The following ASIC2 variants were observed in gnomAD, a reference collection of about 807,000 sequenced individuals.
The protein encoded by ASIC2 is acid-sensing ion channel 2.
Under a neutral mutation model 57.3 loss-of-function variants are expected in ASIC2, and 25 were observed. The observed-to-expected ratio is 0.44, with a 90% CI of 0.32 to 0.61. The LOEUF is 0.61. Among genes scored for constraint, ASIC2 ranks in the 20% least tolerant of loss-of-function variants. The pLI is 0.06. For synonymous variants in ASIC2, 319 were observed against 307.5 expected (o/e 1.04, Z -0.39); for missense variants, 641 against 738.1 (o/e 0.87, Z 1.52).
At chr17:33,562,539 C>T (rs895351675) in intron 1 of ASIC2, among the ~76,000 whole-genome samples, 1 of 152,140 alleles carries the variant, frequency 6.6e-6, no homozygotes, top group Non-Finnish European at 1.5e-5. Flanking sequence ...GACATGCTAC[C>T]TGTCCTGGAG....
intron 1 of ASIC2, among the ~76,000 whole-genome samples, chr17:33,686,867 T>C (rs967233904): frequency 6.6e-6 from 1 of 151,658 alleles, no homozygotes; most frequent in African/African-American, 2.4e-5. Context: ...GGGGTGAAAA[T>C]GGGGACAGGA....
At chr17:33,502,012 C>T (rs750548277) in intron 1 of ASIC2, among the ~76,000 whole-genome samples, 13 of 152,022 alleles carry the variant, frequency 8.6e-5, no homozygotes, top group Non-Finnish European at 1.2e-4. Flanking sequence ...TGTTTGCAGA[C>T]GCATAAGAGT....
chr17:33,642,645 C>T (rs758912190), intron 1 of ASIC2, among the ~76,000 whole-genome samples: 6 of 152,206 alleles, frequency 3.9e-5, no homozygotes, highest in Non-Finnish European at 8.8e-5. Flanking sequence ...ATATCCCTTG[C>T]AAGACCCTTT....
Position 34,082,397 on chromosome 17 carries a change from C to T in ASIC2, c.555+73581G>A, listed in dbSNP as rs180944486. Among the ~76,000 whole-genome samples the T allele has an allele frequency of 9.1e-4, 138 of 152,224 alleles. 2 individuals are homozygous for T. The highest frequency in any genetic ancestry group is 3.1e-3 in the African/African-American group (127 of 41,526). On this transcript the variant is annotated intron_variant, in intron 1 of 9. Coordinates refer to the ASIC2 transcript ENST00000359872. The stretch of plus-strand genomic sequence containing the variant: ...AAATCTTGTATTCTAGTATTACCAT[C>T]GTATCACAAAACTGTGACATTTTAG...
At chr17:33,494,853 G>A (rs889058960) in intron 1 of ASIC2, among the ~76,000 whole-genome samples, 3 of 152,112 alleles carry the variant, frequency 2.0e-5, no homozygotes, top group Non-Finnish European at 4.4e-5. Flanking sequence ...AAGTGATGAC[G>A]CCCTGTGTCT....
At chr17:33,294,663 A>G (rs1905650567), upstream of ASIC2, among the ~76,000 whole-genome samples, 2 of 152,154 alleles carry the variant, frequency 1.3e-5, no homozygotes. Context: ...ATACATGAAC[A>G]TACATGTATA....
intron 1 of ASIC2, among the ~76,000 whole-genome samples, chr17:33,727,822 T>G (rs1254551746): frequency 1.3e-5 from 2 of 152,234 alleles, no homozygotes; most frequent in Admixed American, 1.3e-4. Flanking sequence ...TGACAGGGGC[T>G]TTCTCACCTT....
chr17:33,880,399 G>T (rs541673289), intron 1 of ASIC2, among the ~76,000 whole-genome samples: 2 of 151,776 alleles, frequency 1.3e-5, no homozygotes, highest in East Asian at 3.9e-4. Context: ...AATCAAATAG[G>T]TACAATAAAA....
intron 1 of ASIC2, among the ~76,000 whole-genome samples, chr17:33,217,722 G>C (rs1194443006): frequency 2.0e-5 from 3 of 152,190 alleles, no homozygotes; most frequent in African/African-American, 7.2e-5. Context: ...TGAACTTCAG[G>C]TTTCTTCTCT....
intron 1 of ASIC2, among the ~76,000 whole-genome samples, chr17:33,750,016 T>C (rs954264805): frequency 6.6e-6 from 1 of 152,098 alleles, no homozygotes; most frequent in Non-Finnish European, 1.5e-5. Context: ...CTCTTTGATC[T>C]AAATATCCAC....
intron 1 of ASIC2, among the ~76,000 whole-genome samples, chr17:33,307,295 C>CTTT (rs1906223577): frequency 6.6e-6 from 1 of 151,156 alleles, no homozygotes; most frequent in Non-Finnish European, 1.5e-5. Context: ...TCTTCTTCTT[C>CTTT]TTCTTCTTCT....
At chr17:33,260,552 C>T (rs1909242646) in intron 1 of ASIC2, among the ~76,000 whole-genome samples, 2 of 152,236 alleles carry the variant, frequency 1.3e-5, no homozygotes, top group Non-Finnish European at 2.9e-5. Context: ...TGGATCGCTG[C>T]CGCCAGGGGG....
intron 1 of ASIC2, among the ~76,000 whole-genome samples, chr17:33,812,173 A>G (rs967816963): frequency 6.6e-6 from 1 of 151,826 alleles, no homozygotes; most frequent in African/African-American, 2.4e-5. Flanking sequence ...CCTCTCCCCT[A>G]CCCACAGAGG....
At chr17:34,128,858 G>A (rs1911868195) in intron 1 of ASIC2, among the ~76,000 whole-genome samples, 1 of 152,120 alleles carries the variant, frequency 6.6e-6, no homozygotes, top group Non-Finnish European at 1.5e-5. Context: ...CTCCTGGGGA[G>A]CTTTAAAAGT....
chr17:33,497,256 G>T (rs978083246), intron 1 of ASIC2, among the ~76,000 whole-genome samples: 14 of 152,210 alleles, frequency 9.2e-5, no homozygotes, highest in Admixed American at 9.2e-4. Context: ...AAACCTTCTT[G>T]TTCTAGGTCA....
At chr17:33,926,334 A>G (rs1490928563) in intron 1 of ASIC2, among the ~76,000 whole-genome samples, 1 of 152,130 alleles carries the variant, frequency 6.6e-6, no homozygotes, top group Non-Finnish European at 1.5e-5. Flanking sequence ...GACCAGACGT[A>G]TTTTGAATTT....
At chr17:33,235,832 C>CATT (rs917429288) in intron 1 of ASIC2, among the ~76,000 whole-genome samples, 1 of 151,988 alleles carries the variant, frequency 6.6e-6, no homozygotes, top group South Asian at 2.1e-4. Flanking sequence ...GATGATATAT[C>CATT]ATTATTATTA....
intron 1 of ASIC2, among the ~76,000 whole-genome samples, chr17:33,483,457 G>A (rs1334927920): frequency 6.6e-6 from 1 of 152,236 alleles, no homozygotes; most frequent in East Asian, 1.9e-4. Flanking sequence ...AAGGGAAGGA[G>A]GAAGAACTGC....
intron 1 of ASIC2, among the ~76,000 whole-genome samples, chr17:33,394,449 G>A (rs1183232632): frequency 1.3e-5 from 2 of 149,780 alleles, no homozygotes; most frequent in Non-Finnish European, 3.0e-5. Flanking sequence ...CCCACATATG[G>A]ATTTTTTTTG....
Sources: gnomAD v4.1 joint callset for allele counts (sites outside exome capture counted in the v4.1 genomes callset) on GRCh38, gnomAD v4.1.1 for gene constraint, MANE v1.5 for transcripts, NCBI Gene and HGNC (gene_info 2026-07-23, HGNC 2026-07-21) for gene names.